Variants in MGMT observed in about 807,000 individuals in gnomAD.
The protein encoded by MGMT is O-6-methylguanine-DNA methyltransferase.
Under a neutral mutation model 15.9 loss-of-function variants are expected in MGMT, and 14 were observed. That is an observed-to-expected ratio of 0.88 (90% CI 0.58 to 1.37). The LOEUF is 1.37. Ranked by LOEUF, MGMT falls within the 40% of genes most tolerant of loss-of-function variation. The pLI is 0.00. For missense variants in MGMT, 282 were observed against 268.1 expected (o/e 1.05, Z -0.36); for synonymous variants, 130 against 118.2 (o/e 1.10, Z -0.65).
intron 3 of MGMT, among the ~76,000 whole-genome samples, chr10:129,719,603 G>A (rs1848344987): frequency 6.6e-6 from 1 of 152,156 alleles, no homozygotes; most frequent in African/African-American, 2.4e-5. Context: ...CTCTGGGCGT[G>A]CATCGCTCGG....
intron 2 of MGMT, among the ~76,000 whole-genome samples, chr10:129,551,290 T>C (rs1019365800): frequency 3.9e-5 from 6 of 152,316 alleles, no homozygotes; most frequent in East Asian, 3.9e-4. Flanking sequence ...GGTTAACCAT[T>C]TGGCTTTTTG....
intron 3 of MGMT, among the ~76,000 whole-genome samples, chr10:129,710,418 G>A (rs749376066): frequency 2.0e-4 from 31 of 152,228 alleles, no homozygotes; most frequent in Non-Finnish European, 4.3e-4. Context: ...TCTCTCGAGG[G>A]TAGGGGCTGG....
Position 129,657,703 on chromosome 10 carries a change from A to ACACACG in MGMT, c.126-50189_126-50188insACGCAC, listed in dbSNP as rs1467822718. ...CACACACACACACACACACACACAC[A>ACACACG]CACGCACACACACACACACACACAC... On this transcript the variant is annotated intron_variant, in intron 2 of 4. Coordinates refer to ENST00000651593, the MANE Select transcript of MGMT (RefSeq NM_002412.5). Among the ~76,000 whole-genome samples the ACACACG allele has an allele frequency of 9.1e-4, 114 of 124,604 alleles. 1 individual carries two copies. Among genetic ancestry groups the ACACACG allele is most frequent in the Middle Eastern group, 3.9e-3 (1 of 256 alleles). The allele number at this position is 124,604 out of a possible 152,430, so 81.7% of individuals were successfully genotyped here. A position where few individuals can be genotyped will look rare whatever the true frequency, so the allele number is the denominator to read the frequency against.
chr10:129,688,376 C>G (rs1016712168), intron 2 of MGMT, among the ~76,000 whole-genome samples: 1 of 152,122 alleles, frequency 6.6e-6, no homozygotes, highest in African/African-American at 2.4e-5. Context: ...TTTTAATGAT[C>G]GCCATTCTAA....
At chr10:129,584,864 A>G (rs1846600910) in intron 2 of MGMT, among the ~76,000 whole-genome samples, 1 of 152,190 alleles carries the variant, frequency 6.6e-6, no homozygotes, top group Non-Finnish European at 1.5e-5. Context: ...GATGAACCAC[A>G]TTTTGTTGAT....
intron 3 of MGMT, chr10:129,717,947 G>A (rs1336737717): frequency 6.6e-6 from 1 of 152,184 alleles, no homozygotes; most frequent in Non-Finnish European, 1.5e-5. Context: ...GCCTTGCTCT[G>A]GTCTGCGGGG....
At chr10:129,677,753 G>A (rs910758250) in intron 2 of MGMT, among the ~76,000 whole-genome samples, 2 of 152,156 alleles carry the variant, frequency 1.3e-5, no homozygotes, top group African/African-American at 4.8e-5. Context: ...ACAAAGCCCT[G>A]AGCAGGTGAA....
intron 2 of MGMT, among the ~76,000 whole-genome samples, chr10:129,541,164 G>A (rs761069591): frequency 3.3e-4 from 51 of 152,278 alleles, no homozygotes; most frequent in Non-Finnish European, 6.3e-4. Flanking sequence ...TTACCTGTGT[G>A]TGGCTTCGCA....
At chr10:129,572,729 TA>T in intron 2 of MGMT, among the ~76,000 whole-genome samples, 1 of 152,302 alleles carries the variant, frequency 6.6e-6, no homozygotes, top group Middle Eastern at 3.4e-3. Flanking sequence ...TACAGTAAAT[TA>T]TGATAATTTG....
chr10:129,759,976 C>G (rs1362641432), intron 4 of MGMT, among the ~76,000 whole-genome samples: 1 of 152,238 alleles, frequency 6.6e-6, no homozygotes. Flanking sequence ...CTTCTGTGTC[C>G]TCGTCCTTCC....
chr10:129,704,302 G>GTTGCCTGC (rs1848133935), intron 2 of MGMT, among the ~76,000 whole-genome samples: 1 of 152,078 alleles, frequency 6.6e-6, no homozygotes, highest in African/African-American at 2.4e-5. Context: ...AGGCCACTTC[G>GTTGCCTGC]TTGCCTGCTC....
intron 1 of MGMT, among the ~76,000 whole-genome samples, chr10:129,520,161 A>G (rs1845787291): frequency 6.6e-6 from 1 of 152,162 alleles, no homozygotes; most frequent in Non-Finnish European, 1.5e-5. Context: ...GATCAGACAA[A>G]ACAGATGCTT....
intron 1 of MGMT, among the ~76,000 whole-genome samples, chr10:129,497,521 A>G (rs956553599): frequency 6.6e-6 from 1 of 152,184 alleles, no homozygotes; most frequent in African/African-American, 2.4e-5. Context: ...AAGTTGCACA[A>G]ATAGCACAAA....
intron 1 of MGMT, among the ~76,000 whole-genome samples, chr10:129,485,796 G>T (rs1190330876): frequency 6.6e-6 from 1 of 152,146 alleles, no homozygotes; most frequent in East Asian, 1.9e-4. Flanking sequence ...CAAGTTATTA[G>T]TGGACTCATA....
chr10:129,584,809 T>A (rs189451842), intron 2 of MGMT, among the ~76,000 whole-genome samples: 70 of 152,360 alleles, frequency 4.6e-4, no homozygotes, highest in African/African-American at 1.6e-3. Context: ...CTCCAGCATG[T>A]GTCAGAACTT....
chr10:129,740,472 CA>C (rs1848618727), intron 3 of MGMT, among the ~76,000 whole-genome samples: 1 of 152,210 alleles, frequency 6.6e-6, no homozygotes, highest in Admixed American at 6.5e-5. Flanking sequence ...ACGGGAGAGT[CA>C]AGGGATAGAA....
At chr10:129,735,126 A>G (rs571007933) in intron 3 of MGMT, among the ~76,000 whole-genome samples, 3 of 152,152 alleles carry the variant, frequency 2.0e-5, no homozygotes, top group Non-Finnish European at 4.4e-5. Flanking sequence ...GAATAGTTTC[A>G]GAAGCAATGG....
At chr10:129,520,987 T>A (rs535594060) in intron 1 of MGMT, among the ~76,000 whole-genome samples, 39 of 151,166 alleles carry the variant, frequency 2.6e-4, no homozygotes, top group Non-Finnish European at 5.1e-4. Flanking sequence ...GCAGAGCCCC[T>A]ACGGTGCGCG....
rs563490975 is a variant in MGMT, at chr10:129,486,391, G to A, written c.-13+19095G>A. On this transcript the variant is annotated intron_variant, in intron 1 of 4. Coordinates refer to ENST00000651593, the MANE Select transcript of MGMT (RefSeq NM_002412.5). ...TTTAGTAGAGATGGGGTTTTGCCAC[G>A]TTGGCCAGGCTATTCTCGAACTCTT... Among the ~76,000 whole-genome samples, 30 of 152,076 alleles carry A rather than the reference G, an allele frequency of 2.0e-4. No homozygotes were observed. In the South Asian group the frequency reaches 5.6e-3, roughly 28 times the overall value.
Sources: allele counts gnomAD v4.1 joint callset (sites outside exome capture counted in the v4.1 genomes callset), GRCh38; gene constraint gnomAD v4.1.1; transcripts MANE v1.5; gene names NCBI Gene and HGNC (gene_info 2026-07-23, HGNC 2026-07-21).